SNX25: variants seen among roughly 807,000 people sequenced by gnomAD.
SNX25 encodes the protein sorting nexin 25.
In SNX25, 62 loss-of-function variants were observed where a neutral mutation model predicts 113.7. The observed-to-expected ratio is 0.55, with a 90% CI of 0.44 to 0.67. The LOEUF (loss-of-function observed/expected upper bound fraction) is 0.67. Among genes scored for constraint, SNX25 ranks in the 30% least tolerant of loss-of-function variants. SNX25 has a pLI of 0.00. For synonymous variants in SNX25, 421 were observed against 436.2 expected (o/e 0.97, Z 0.43); for missense variants, 1,014 against 1,161.0 (o/e 0.87, Z 1.84).
upstream of SNX25, among the ~76,000 whole-genome samples, chr4:185,204,893 C>T (rs1737118628): frequency 6.6e-6 from 1 of 152,202 alleles, no homozygotes; most frequent in African/African-American, 2.4e-5. Flanking sequence ...TGATTTTAGA[C>T]TTAATACCTT....
At position 185,264,460 on chromosome 4, in the gene SNX25, T is replaced by G; in HGVS notation, c.754T>G (p.Phe252Val). The change falls in exon 4 of 19, where the codon TTT becomes GTT. Residue 252 changes from phenylalanine (F) to valine (V), a missense_variant. Coordinates refer to ENST00000652585, the MANE Select transcript of SNX25 (RefSeq NM_001378034.2). ...TAGACATGAAGAACAGCCAAGACCT[T>G]TTGTGTTGCACGCATGCTTGAGGAA... ...NARHEEQPRP[F>V]VLHACLRNSD... 1 of 1,613,344 alleles carries G rather than the reference T, an allele frequency of 6.2e-7. No individual in the cohort carries two copies. The highest frequency in any genetic ancestry group is 8.5e-7 in the Non-Finnish European group (1 of 1,179,920).
chr4:185,351,029 A>G (rs73873429), intron 13 of SNX25, among the ~76,000 whole-genome samples: 4,069 of 152,300 alleles, frequency 0.027, 83 homozygotes, highest in South Asian at 0.059. Context: ...TAACCATAAA[A>G]GGGCAATTTA....
chr4:185,212,230 A>G (rs183726393), intron 1 of SNX25, among the ~76,000 whole-genome samples: 1 of 152,068 alleles, frequency 6.6e-6, no homozygotes, highest in East Asian at 1.9e-4. Flanking sequence ...CGCCCTCCTC[A>G]GCCTCGGAAA....
At chr4:185,247,186 G>C (rs1188974918) in intron 1 of SNX25, 108 bp from the exon 2 acceptor site, 1 of 727,160 alleles carries the variant, frequency 1.4e-6, no homozygotes, top group Non-Finnish European at 2.3e-6. Context: ...TATTCGTTAA[G>C]CCTTATCTTA....
At position 185,209,860 on chromosome 4, in the gene SNX25, G is replaced by A. The variant is rs1489734281; in HGVS notation, c.34G>A (p.Gly12Ser). ...HPDATDSGGA[G>S]PSPARAAGAG... is the part of the protein sequence containing the mutation. ...CGATGCGACCGACAGTGGCGGCGCC[G>A]GCCCCAGCCCCGCGCGGGCCGCAGG... Residue 12 changes from glycine (G) to serine (S), a missense_variant, in exon 1 of 19, where the codon GGC becomes AGC. Gly to Ser is a moderately conservative substitution (Grantham distance 56, BLOSUM62 0). Transcript: ENST00000652585. The surrounding 1 kb of genome is among the most constrained non-coding windows in gnomAD (Gnocchi z 5.2). 9.2e-6 allele frequency: 9 copies of A among 983,314 alleles called. No individual in the cohort carries two copies. The highest frequency in any genetic ancestry group is 1.1e-5 in the Non-Finnish European group (9 of 829,188). The allele number at this position is 983,314 out of a possible 1,614,324, so 60.9% of individuals were successfully genotyped here. A position where few individuals can be genotyped will look rare whatever the true frequency, so the allele number is the denominator to read the frequency against.
rs3047486 is a variant in SNX25 at position 185,335,316 on chromosome 4, T to TCACACA, written c.1914+2594_1914+2599dup. Among the ~76,000 whole-genome samples, 1,125 of 140,880 alleles carry TCACACA rather than the reference T, an allele frequency of 8.0e-3. 8 individuals carry two copies. The highest frequency in any genetic ancestry group is 0.019 in the African/African-American group (733 of 37,676). The allele number at this position is 140,880 out of a possible 152,430, so 92.4% of individuals were successfully genotyped here. ...GCCTGGGCAATAGAGTGAAAAAGTC[T>TCACACA]CACACACACACACACACACACACAC... On this transcript the variant is annotated intron_variant, in intron 10 of 18. Coordinates refer to ENST00000652585, the MANE Select transcript of SNX25 (RefSeq NM_001378034.2).
chr4:185,342,858 C>T (rs1240502939), intron 12 of SNX25, among the ~76,000 whole-genome samples: 1 of 152,016 alleles, frequency 6.6e-6, no homozygotes, highest in Non-Finnish European at 1.5e-5. Context: ...GGCTGTGTGA[C>T]CTGGAATTTA....
chr4:185,251,621 G>GTGTGTGTGTGTA (rs1553990979), intron 2 of SNX25, among the ~76,000 whole-genome samples: 1 of 106,498 alleles, frequency 9.4e-6, no homozygotes, highest in Non-Finnish European at 2.3e-5. Context: ...GTGTGTGTGT[G>GTGTGTGTGTGTA]TGTGTGTGTG....
chr4:185,367,697 G>C (rs2095394657), downstream of SNX25, among the ~76,000 whole-genome samples: 1 of 152,068 alleles, frequency 6.6e-6, no homozygotes, highest in Non-Finnish European at 1.5e-5. Flanking sequence ...AACAATTTGG[G>C]ATATAGAGCT....
At chr4:185,289,938 A>G (rs1369569259) in intron 6 of SNX25, among the ~76,000 whole-genome samples, 1 of 152,206 alleles carries the variant, frequency 6.6e-6, no homozygotes, top group Non-Finnish European at 1.5e-5. Context: ...CTGGAAACCC[A>G]AGAGCAAGGT....
rs2095377222 is a variant in SNX25 at position 185,363,871 on chromosome 4, C to T, written c.*406C>T. 6.4e-6 allele frequency: 1 copy of T among 155,208 alleles called. No individual in the cohort carries two copies. The highest frequency in any genetic ancestry group is 2.4e-5 in the African/African-American group (1 of 41,418). 9.6% of individuals were successfully genotyped at this position (155,208 alleles called of 1,614,324 possible). On this transcript the variant is annotated 3_prime_UTR_variant, in exon 19 of 19. Coordinates refer to ENST00000652585, the MANE Select transcript of SNX25 (RefSeq NM_001378034.2). The surrounding 1 kb of genome is among the most constrained non-coding windows in gnomAD (Gnocchi z 4.2). ...TATTGAAGAACATTGTTATGCAATGCTTTGTGTAAAGTTATTGTGAAGATT... is the reference window on the plus strand; with the variant it reads ...TATTGAAGAACATTGTTATGCAATGTTTTGTGTAAAGTTATTGTGAAGATT...
At chr4:185,373,756 A>G (rs559252283), downstream of SNX25, among the ~76,000 whole-genome samples, 18 of 152,354 alleles carry the variant, frequency 1.2e-4, no homozygotes, top group East Asian at 3.1e-3. Context: ...ATTTCTGTGA[A>G]AATCTTAGAT....
rs1025346268 is a variant in SNX25, at chr4:185,354,850, C to T, written c.2584+1248C>T. On this transcript the variant is annotated intron_variant, in intron 15 of 18. Transcript: ENST00000652585. ...ACCAGCTAGAGATATGGCAGGTGCCCACGGGCACACCTGACCACCTCGAAG... is the reference window on the plus strand; with the variant it reads ...ACCAGCTAGAGATATGGCAGGTGCCTACGGGCACACCTGACCACCTCGAAG... 4.6e-5 allele frequency among the ~76,000 whole-genome samples: 7 copies of T among 152,276 alleles called. No individual in the cohort carries two copies. The South Asian group carries it at 8.3e-4, about 18-fold the overall frequency.
At chr4:185,319,193 CTTTTTTTTTTTTT>C (rs143650995) in intron 7 of SNX25, among the ~76,000 whole-genome samples, 5 of 85,944 alleles carry the variant, frequency 5.8e-5, no homozygotes, top group African/African-American at 1.8e-4. Flanking sequence ...TGAGAAAGTC[CTTTTTTTTTTTTT>C]TTTTTTTTTT....
At chr4:185,286,410 C>G (rs1751358640) in intron 5 of SNX25, among the ~76,000 whole-genome samples, 1 of 152,172 alleles carries the variant, frequency 6.6e-6, no homozygotes, top group African/African-American at 2.4e-5. Flanking sequence ...TGTGCCCGGC[C>G]TGGCCTGTGG....
At position 185,254,201 on chromosome 4, in the gene SNX25, T is replaced by G. The variant is rs187115287; in HGVS notation, c.515-4647T>G. On this transcript the variant is annotated intron_variant, in intron 2 of 18. Coordinates refer to ENST00000652585, the MANE Select transcript of SNX25 (RefSeq NM_001378034.2). Reference sequence around the variant, plus strand: ...GACATGCAATATGTATACTTTTTTTTTTGTTGGATAAATACATAGCTCTAT... The same window carrying G: ...GACATGCAATATGTATACTTTTTTTGTTGTTGGATAAATACATAGCTCTAT... 1.6e-3 allele frequency among the ~76,000 whole-genome samples: 251 copies of G among 152,282 alleles called. 1 individual carries two copies. Among genetic ancestry groups the G allele is most frequent in the Middle Eastern group, 0.01 (3 of 294 alleles).
chr4:185,291,832 G>A (rs955711602), intron 6 of SNX25, among the ~76,000 whole-genome samples: 2 of 152,114 alleles, frequency 1.3e-5, no homozygotes, highest in Non-Finnish European at 2.9e-5. Flanking sequence ...TGATCACGTC[G>A]GCAAAGACCC....
At position 185,210,464 on chromosome 4, in the gene SNX25, C is replaced by A. The variant is rs976867486; in HGVS notation, c.429+209C>A. ...GCTCCGGGCTCCGGGCTCCGCGCTC[C>A]GCGGTGCTGGAGGAGATGCGCGTTA... On this transcript the variant is annotated intron_variant, in intron 1 of 18. Transcript: ENST00000652585. The surrounding 1 kb of genome is among the most constrained non-coding windows in gnomAD (Gnocchi z 4.4). 1.1e-4 allele frequency among the ~76,000 whole-genome samples: 16 copies of A among 150,132 alleles called. No individual in the cohort carries two copies. Among genetic ancestry groups the A allele is most frequent in the African/African-American group, 3.9e-4 (16 of 41,278 alleles).
intron 1 of SNX25, among the ~76,000 whole-genome samples, chr4:185,230,869 G>T (rs141353435): frequency 6.6e-6 from 1 of 152,104 alleles, no homozygotes; most frequent in African/African-American, 2.4e-5. Flanking sequence ...CTAAAAATCT[G>T]CATTTGAACA....
Sources: gnomAD v4.1 joint callset for allele counts (sites outside exome capture counted in the v4.1 genomes callset) on GRCh38, gnomAD v4.1.1 for gene constraint, Gnocchi (gnomAD v3.1) non-coding constraint, MANE v1.5 for transcripts, NCBI Gene and HGNC (gene_info 2026-07-23, HGNC 2026-07-21) for gene names.